EPB41L4A: variants seen among roughly 807,000 people sequenced by gnomAD.
The protein encoded by EPB41L4A is band 4.1-like protein 4A.
In EPB41L4A, 100 loss-of-function variants were observed where a neutral mutation model predicts 108.6. The observed-to-expected ratio is 0.92, with a 90% CI of 0.78 to 1.09. The LOEUF is 1.09. Among genes scored for constraint, EPB41L4A ranks in the 50% least tolerant of loss-of-function variants. EPB41L4A has a pLI of 0.00. For missense variants in EPB41L4A, 1,030 were observed against 842.7 expected, an observed-to-expected ratio of 1.22 and a Z score of -2.75; for synonymous variants, 319 against 289.0, an observed-to-expected ratio of 1.10 and a Z score of -1.05.
intron 1 of EPB41L4A, among the ~76,000 whole-genome samples, chr5:112,363,097 A>G (rs1251113036): frequency 6.6e-6 from 1 of 152,146 alleles, no homozygotes; most frequent in African/African-American, 2.4e-5. Context: ...AATGTCCTGT[A>G]CACAAGTTTC....
chr5:112,211,401 G>A (rs979230075), intron 12 of EPB41L4A, among the ~76,000 whole-genome samples: 5 of 152,164 alleles, frequency 3.3e-5, no homozygotes, highest in African/African-American at 1.2e-4. Flanking sequence ...GGCCAACAAG[G>A]CAAAACCCCA....
intron 9 of EPB41L4A, among the ~76,000 whole-genome samples, chr5:112,252,750 T>C (rs749710403): frequency 6.6e-6 from 1 of 152,066 alleles, no homozygotes; most frequent in African/African-American, 2.4e-5. Flanking sequence ...GCTCACTGCC[T>C]GGGTGACGGG....
chr5:112,300,910 C>G (rs1754312836), intron 2 of EPB41L4A, among the ~76,000 whole-genome samples: 1 of 151,952 alleles, frequency 6.6e-6, no homozygotes, highest in African/African-American at 2.4e-5. Flanking sequence ...ATCTGAAGTT[C>G]TTTATTCTGC....
At chr5:112,367,367 G>T (rs1489739425) in intron 1 of EPB41L4A, among the ~76,000 whole-genome samples, 1 of 152,110 alleles carries the variant, frequency 6.6e-6, no homozygotes, top group Non-Finnish European at 1.5e-5. Flanking sequence ...GCAACCTCTT[G>T]TCTCCAAGAC....
intron 1 of EPB41L4A, among the ~76,000 whole-genome samples, chr5:112,391,673 G>T (rs1416452142): frequency 6.6e-6 from 1 of 152,142 alleles, no homozygotes; most frequent in Non-Finnish European, 1.5e-5. Context: ...TATTATCCAG[G>T]AGAACTTTCC....
At chr5:112,158,590 A>C, downstream of EPB41L4A, 1 of 174,728 alleles carries the variant, frequency 5.7e-6, no homozygotes, top group Middle Eastern at 5.0e-4. Flanking sequence ...TAATTTATAA[A>C]ATAAAAAGGT....
At chr5:112,361,430 CAT>C (rs1038004438) in intron 1 of EPB41L4A, among the ~76,000 whole-genome samples, 34 of 151,782 alleles carry the variant, frequency 2.2e-4, no homozygotes, top group African/African-American at 8.0e-4. Context: ...CCTTTGTTCA[CAT>C]GTTTATCTGC....
At chr5:112,252,804 T>C (rs1265143012) in intron 9 of EPB41L4A, among the ~76,000 whole-genome samples, 6 of 151,974 alleles carry the variant, frequency 3.9e-5, no homozygotes, top group Non-Finnish European at 1.5e-5. Context: ...TATACCCATG[T>C]AACAAACCTG....
intron 1 of EPB41L4A, among the ~76,000 whole-genome samples, chr5:112,397,526 C>T (rs1271067749): frequency 2.0e-5 from 3 of 151,774 alleles, no homozygotes; most frequent in African/African-American, 7.3e-5. Context: ...GAGAAGAGAC[C>T]ACTACTATAA....
downstream of EPB41L4A, among the ~76,000 whole-genome samples, chr5:112,159,267 T>C (rs993224340): frequency 6.6e-6 from 1 of 152,152 alleles, no homozygotes; most frequent in Non-Finnish European, 1.5e-5. Flanking sequence ...CTCCTTTTCT[T>C]CTCTTTCCTT....
chr5:112,149,570 T>A (rs547892363), intron 12 of EPB41L4A, among the ~76,000 whole-genome samples: 20 of 152,306 alleles, frequency 1.3e-4, no homozygotes, highest in African/African-American at 4.3e-4. Context: ...AAAAGCAGGA[T>A]TAGTGATAAG....
chr5:112,334,372 A>C (rs1226879024), intron 1 of EPB41L4A, among the ~76,000 whole-genome samples: 1 of 152,180 alleles, frequency 6.6e-6, no homozygotes, highest in Non-Finnish European at 1.5e-5. Flanking sequence ...TGCTTTTCTG[A>C]TCCTGAAGAG....
At chr5:112,302,739 G>A (rs1400803569) in intron 2 of EPB41L4A, among the ~76,000 whole-genome samples, 1 of 152,162 alleles carries the variant, frequency 6.6e-6, no homozygotes, top group Non-Finnish European at 1.5e-5. Flanking sequence ...CATCTGGGTT[G>A]AAGATAGGAA....
intron 2 of EPB41L4A, among the ~76,000 whole-genome samples, chr5:112,289,492 T>C (rs528742553): frequency 2.0e-5 from 3 of 152,216 alleles, no homozygotes; most frequent in South Asian, 2.1e-4. Context: ...TTTGAACCAA[T>C]AGAATGCCAC....
At chr5:112,195,506 G>A (rs1266434179) in intron 16 of EPB41L4A, among the ~76,000 whole-genome samples, 155 bp downstream of exon 16, 1 of 152,088 alleles carries the variant, frequency 6.6e-6, no homozygotes, top group Non-Finnish European at 1.5e-5. Flanking sequence ...GGATGCAACA[G>A]AATGGAAGAC....
intron 12 of EPB41L4A, among the ~76,000 whole-genome samples, chr5:112,147,852 A>AACG (rs1471059155): frequency 6.6e-5 from 10 of 151,806 alleles, no homozygotes; most frequent in Non-Finnish European, 1.3e-4. Context: ...CAGCCTGGCC[A>AACG]ACGTGGTGAA....
Position 112,262,512 on chromosome 5 carries a change from A to C in EPB41L4A, c.624T>G (p.Val208=), listed in dbSNP as rs753328754. The change falls in exon 7 of 23, where the codon GTT becomes GTG. Residue 208 remains valine (V), a synonymous_variant. Transcript: ENST00000261486. The stretch of plus-strand genomic sequence containing the variant: ...TACTCACATAGACGGGATGGAGGTC[A>C]ACGCCATACATCTCCAGGGATTTGG... ...RTAKSLEMYG[V]DLHPVYGENK... 5 of 1,613,820 alleles carry C rather than the reference A, an allele frequency of 3.1e-6. No homozygotes were observed. The African/African-American group carries it at 6.7e-5, about 22-fold the overall frequency.
Position 112,209,811 on chromosome 5 carries a change from A to T in EPB41L4A, c.1178+81T>A, listed in dbSNP as rs1180339471. 4 of 798,662 alleles carry T rather than the reference A, an allele frequency of 5.0e-6. No individual in the cohort carries two copies. The East Asian group carries it at 1.1e-4, about 22-fold the overall frequency. The allele number at this position is 798,662 out of a possible 1,614,324, so 49.5% of individuals were successfully genotyped here. ...GTATTCATTAATCATCAAAGTTAAA[A>T]GATTTTTAACCTTGTCTACAGAAAA... On this transcript the variant is annotated intron_variant, in intron 13 of 22. Transcript: ENST00000261486.
intron 9 of EPB41L4A, among the ~76,000 whole-genome samples, chr5:112,247,615 T>C (rs1455693091): frequency 6.6e-6 from 1 of 152,206 alleles, no homozygotes; most frequent in Non-Finnish European, 1.5e-5. Flanking sequence ...TCAAAACTTA[T>C]TTAATTACAT....
Sources: allele counts gnomAD v4.1 joint callset (sites outside exome capture counted in the v4.1 genomes callset), GRCh38; gene constraint gnomAD v4.1.1; transcripts MANE v1.5; gene names NCBI Gene and HGNC (gene_info 2026-07-23, HGNC 2026-07-21).